WWP2: variants seen among roughly 807,000 people sequenced by gnomAD.
WWP2 encodes the protein NEDD4-like E3 ubiquitin-protein ligase WWP2.
A neutral mutation model predicts 121.0 loss-of-function variants in WWP2; 57 were observed. The observed-to-expected ratio is 0.47, with a 90% CI of 0.38 to 0.59. The LOEUF is 0.59. Among genes scored for constraint, WWP2 ranks in the 20% least tolerant of loss-of-function variants. WWP2 has a pLI of 0.00. For missense variants in WWP2, 962 were observed against 1,158.9 expected (o/e 0.83, Z 2.47); for synonymous variants, 449 against 441.3 (o/e 1.02, Z -0.22).
chr16:69,767,649 G>A (rs935147837), intron 1 of WWP2, among the ~76,000 whole-genome samples: 1 of 152,154 alleles, frequency 6.6e-6, no homozygotes, highest in Non-Finnish European at 1.5e-5. Flanking sequence ...AGGAGATGGA[G>A]GGAAGTTTTA....
chr16:69,941,317 C>T lies in WWP2; in HGVS notation c.*1377C>T, dbSNP rs2058877198. 1.3e-5 allele frequency: 2 copies of T among 153,780 alleles called. No individual in the cohort carries two copies. Among genetic ancestry groups the T allele is most frequent in the Admixed American group, 1.3e-4 (2 of 15,288 alleles). 9.5% of individuals were successfully genotyped at this position (153,780 alleles called of 1,614,324 possible). A position where few individuals can be genotyped will look rare whatever the true frequency, so the allele number is the denominator to read the frequency against. On this transcript the variant is annotated 3_prime_UTR_variant, in exon 24 of 24. Transcript: ENST00000359154. The stretch of plus-strand genomic sequence containing the variant: ...CAGGATTCTAGGACCCCCAGGCAGC[C>T]CCTTGGACTGGTCCCGGGTGCCTTC...
At chr16:69,786,708 C>T (rs1449792863) in intron 1 of WWP2, among the ~76,000 whole-genome samples, 1 of 152,030 alleles carries the variant, frequency 6.6e-6, no homozygotes, top group Admixed American at 6.6e-5. Flanking sequence ...ATCTCGGCCT[C>T]CCAAAGTGCT....
intron 6 of WWP2, among the ~76,000 whole-genome samples, chr16:69,853,810 T>C (rs2057262689): frequency 6.6e-6 from 1 of 152,142 alleles, no homozygotes; most frequent in South Asian, 2.1e-4. Context: ...TACTCCCAGA[T>C]TCCTCTACTG....
chr16:69,787,677 G>A (rs2055822909), intron 2 of WWP2, among the ~76,000 whole-genome samples: 1 of 152,192 alleles, frequency 6.6e-6, no homozygotes, highest in Non-Finnish European at 1.5e-5. Context: ...CGCTCCCTAG[G>A]TGCTTCTTCC....
At chr16:69,932,313 A>G (rs1371885948) in intron 16 of WWP2, among the ~76,000 whole-genome samples, 1 of 152,268 alleles carries the variant, frequency 6.6e-6, no homozygotes, top group Non-Finnish European at 1.5e-5. Context: ...CTGGGCAACA[A>G]GAGCGAAACT....
At chr16:69,902,327 T>C (rs1417610720) in intron 8 of WWP2, among the ~76,000 whole-genome samples, 1 of 152,224 alleles carries the variant, frequency 6.6e-6, no homozygotes, top group Non-Finnish European at 1.5e-5. Flanking sequence ...ACATGGTTCA[T>C]ATACAACTGA....
intron 6 of WWP2, among the ~76,000 whole-genome samples, chr16:69,868,777 C>G (rs1388566282): frequency 6.6e-6 from 1 of 152,164 alleles, no homozygotes; most frequent in African/African-American, 2.4e-5. Context: ...CTCATTTGTG[C>G]TCATTCCACT....
intron 8 of WWP2, among the ~76,000 whole-genome samples, chr16:69,900,934 A>G (rs1411362416): frequency 6.6e-6 from 1 of 152,206 alleles, no homozygotes; most frequent in Non-Finnish European, 1.5e-5. Context: ...GTTTGGAGGC[A>G]TAAAGTGCTG....
intron 4 of WWP2, among the ~76,000 whole-genome samples, chr16:69,822,179 TC>T (rs2056605587): frequency 6.6e-6 from 1 of 152,180 alleles, no homozygotes; most frequent in Admixed American, 6.6e-5. Context: ...TGCTTTTCTT[TC>T]CTTCTTAGAC....
chr16:69,885,505 T>C (rs2057908416), intron 7 of WWP2, among the ~76,000 whole-genome samples: 1 of 152,238 alleles, frequency 6.6e-6, no homozygotes, highest in East Asian at 1.9e-4. Flanking sequence ...TTTGTTAAGA[T>C]CTAGCTTGGT....
chr16:69,802,738 T>C (rs2056196131), intron 4 of WWP2, among the ~76,000 whole-genome samples: 1 of 151,880 alleles, frequency 6.6e-6, no homozygotes, highest in African/African-American at 2.4e-5. Flanking sequence ...GTAGCTAGGA[T>C]TATGACAGGT....
intron 16 of WWP2, chr16:69,933,322 C>T (rs1467457607): frequency 8.5e-6 from 3 of 355,004 alleles, no homozygotes; most frequent in Non-Finnish European, 1.7e-5. Flanking sequence ...ACCCAGGGCA[C>T]GGGTGTTGGT....
intron 10 of WWP2, among the ~76,000 whole-genome samples, chr16:69,920,967 C>T (rs2058553786): frequency 6.6e-6 from 1 of 152,120 alleles, no homozygotes; most frequent in South Asian, 2.1e-4. Context: ...CTCTTAGCAA[C>T]ATTATTCTGG....
At chr16:69,804,404 T>C (rs1409922534) in intron 4 of WWP2, among the ~76,000 whole-genome samples, 1 of 152,218 alleles carries the variant, frequency 6.6e-6, no homozygotes, top group African/African-American at 2.4e-5. Context: ...TTCATTTTTT[T>C]CCCTAATATG....
chr16:69,802,712 T>G (rs1438968388), intron 4 of WWP2, among the ~76,000 whole-genome samples: 1 of 151,944 alleles, frequency 6.6e-6, no homozygotes, highest in Non-Finnish European at 1.5e-5. Flanking sequence ...GTGATTCTCC[T>G]GCCTCAAGCT....
intron 4 of WWP2, among the ~76,000 whole-genome samples, chr16:69,821,336 A>G (rs1028894775): frequency 1.3e-5 from 2 of 152,214 alleles, no homozygotes; most frequent in Admixed American, 6.5e-5. Context: ...GTTGGAAAGA[A>G]AAGGTCCTTT....
chr16:69,901,186 G>A (rs1215238065), intron 8 of WWP2, among the ~76,000 whole-genome samples: 1 of 152,200 alleles, frequency 6.6e-6, no homozygotes, highest in Non-Finnish European at 1.5e-5. Context: ...CCCGGAAGTG[G>A]CCAAAGCTTG....
intron 6 of WWP2, among the ~76,000 whole-genome samples, chr16:69,849,664 T>C (rs2057164302): frequency 6.6e-6 from 1 of 152,124 alleles, no homozygotes; most frequent in South Asian, 2.1e-4. Flanking sequence ...TAATCATGGC[T>C]GGGCATGGTG....
At chr16:69,833,112 G>C (rs1234156190) in intron 4 of WWP2, among the ~76,000 whole-genome samples, 1 of 152,218 alleles carries the variant, frequency 6.6e-6, no homozygotes, top group Non-Finnish European at 1.5e-5. Context: ...CCCTGCCTTG[G>C]CCTCCCAAAG....
Sources: gnomAD v4.1 joint callset for allele counts (sites outside exome capture counted in the v4.1 genomes callset) on GRCh38, gnomAD v4.1.1 for gene constraint, MANE v1.5 for transcripts, NCBI Gene and HGNC (gene_info 2026-07-23, HGNC 2026-07-21) for gene names.